SLC35F3: variants seen among roughly 807,000 people sequenced by gnomAD.
SLC35F3 encodes solute carrier family 35 member F3.
SLC35F3 carries 25 observed loss-of-function variants against 49.9 expected under a neutral mutation model. That is an observed-to-expected ratio of 0.50 (90% CI 0.37 to 0.70). The LOEUF (loss-of-function observed/expected upper bound fraction) is 0.70. Ranked by LOEUF, SLC35F3 falls within the 30% of genes least tolerant of loss-of-function variation. The pLI is 0.00. For synonymous variants in SLC35F3, 275 were observed against 265.4 expected, an observed-to-expected ratio of 1.04 and a Z score of -0.35; for missense variants, 525 against 639.8, an observed-to-expected ratio of 0.82 and a Z score of 1.94.
At chr1:234,309,029 C>A (rs201471524) in intron 3 of SLC35F3, 72 bp from the exon 4 acceptor site, 454 of 948,202 alleles carry the variant, frequency 4.8e-4, no homozygotes, top group Non-Finnish European at 6.1e-4. Context: ...AAAAAAAAAA[C>A]TTGCTATAGG....
At chr1:234,115,696 A>G (rs1010495271) in intron 2 of SLC35F3, among the ~76,000 whole-genome samples, 2 of 152,224 alleles carry the variant, frequency 1.3e-5, no homozygotes, top group Non-Finnish European at 2.9e-5. Flanking sequence ...CTGTCTTCTG[A>G]ACCATTTGAG....
At chr1:234,047,525 AT>A (rs1246980139) in intron 2 of SLC35F3, among the ~76,000 whole-genome samples, 1 of 152,218 alleles carries the variant, frequency 6.6e-6, no homozygotes, top group African/African-American at 2.4e-5. Flanking sequence ...AAATTGAATC[AT>A]TGGTTCTTCC....
intron 2 of SLC35F3, among the ~76,000 whole-genome samples, chr1:234,147,722 T>C (rs951163599): frequency 6.6e-6 from 1 of 152,234 alleles, no homozygotes; most frequent in African/African-American, 2.4e-5. Flanking sequence ...GACCCACTTT[T>C]GGTCCCTACC....
intron 3 of SLC35F3, among the ~76,000 whole-genome samples, chr1:234,250,412 T>C (rs1268714988): frequency 6.6e-6 from 1 of 152,108 alleles, no homozygotes; most frequent in Non-Finnish European, 1.5e-5. Context: ...CCCAGCACTT[T>C]GGGAGGCCGA....
chr1:234,196,322 C>A (rs1666809402), intron 2 of SLC35F3, among the ~76,000 whole-genome samples: 1 of 152,248 alleles, frequency 6.6e-6, no homozygotes, highest in Non-Finnish European at 1.5e-5. Flanking sequence ...GGCTGCAGAA[C>A]TGCCTCCAAG....
intron 2 of SLC35F3, among the ~76,000 whole-genome samples, chr1:234,189,420 T>C (rs4027088): frequency 0.082 from 12,372 of 150,450 alleles, 1,406 homozygotes; most frequent in African/African-American, 0.26. Flanking sequence ...AAATGCAAGA[T>C]GTACTGGAAA....
chr1:233,928,106 A>C (rs1048976819), intron 2 of SLC35F3, among the ~76,000 whole-genome samples: 1 of 152,072 alleles, frequency 6.6e-6, no homozygotes, highest in Non-Finnish European at 1.5e-5. Context: ...TGGCACTGTA[A>C]ATTTTCTGCA....
At chr1:233,920,684 G>C (rs574677485) in intron 2 of SLC35F3, among the ~76,000 whole-genome samples, 2 of 152,214 alleles carry the variant, frequency 1.3e-5, no homozygotes, top group Non-Finnish European at 2.9e-5. Flanking sequence ...TTGTGGAATT[G>C]TGTTATGTTA....
intron 2 of SLC35F3, among the ~76,000 whole-genome samples, chr1:234,082,695 A>T (rs149468478): frequency 6.6e-6 from 1 of 152,168 alleles, no homozygotes; most frequent in African/African-American, 2.4e-5. Context: ...TCACAGTTTC[A>T]TGTGGCTGGG....
chr1:233,946,032 A>G (rs1000778977), intron 2 of SLC35F3, among the ~76,000 whole-genome samples: 1 of 152,246 alleles, frequency 6.6e-6, no homozygotes, highest in African/African-American at 2.4e-5. Context: ...AAGCTGGTAC[A>G]TACAATTTGA....
chr1:234,217,263 T>C (rs1667135885), intron 2 of SLC35F3, among the ~76,000 whole-genome samples: 1 of 152,200 alleles, frequency 6.6e-6, no homozygotes, highest in African/African-American at 2.4e-5. Context: ...TTGGTTAAAC[T>C]CAAACACAGG....
intron 2 of SLC35F3, among the ~76,000 whole-genome samples, chr1:234,047,496 T>C (rs1664308460): frequency 6.6e-6 from 1 of 152,228 alleles, no homozygotes; most frequent in South Asian, 2.1e-4. Flanking sequence ...ATAACAGCTT[T>C]CTTCCTGCCT....
chr1:234,118,991 T>C (rs1188326003), intron 2 of SLC35F3, among the ~76,000 whole-genome samples: 2 of 152,078 alleles, frequency 1.3e-5, no homozygotes, highest in Non-Finnish European at 2.9e-5. Context: ...TCTGTATTAG[T>C]TGGCTTTGCT....
chr1:233,963,123 G>C (rs1283669226), intron 2 of SLC35F3, among the ~76,000 whole-genome samples: 2 of 152,112 alleles, frequency 1.3e-5, no homozygotes, highest in Non-Finnish European at 2.9e-5. Flanking sequence ...TGCTCTTGCA[G>C]CCTTTCACTG....
intron 2 of SLC35F3, among the ~76,000 whole-genome samples, chr1:234,123,556 T>C (rs550248038): frequency 3.1e-4 from 47 of 150,772 alleles, no homozygotes; most frequent in African/African-American, 1.1e-3. Flanking sequence ...ACTACAGGCG[T>C]GTGCCACCAT....
chr1:234,080,046 G>A (rs922930149), intron 2 of SLC35F3, among the ~76,000 whole-genome samples: 1 of 152,196 alleles, frequency 6.6e-6, no homozygotes, highest in Admixed American at 6.5e-5. Flanking sequence ...GTGAGGGCTG[G>A]TTGCTGGAGG....
chr1:234,275,766 AT>A (rs1558094964), intron 3 of SLC35F3, among the ~76,000 whole-genome samples: 19 of 99,492 alleles, frequency 1.9e-4, no homozygotes, highest in African/African-American at 6.6e-4. Context: ...AAAAAAAAAT[AT>A]ATATATATAT....
chr1:234,282,627 G>A (rs1668348107), intron 3 of SLC35F3, among the ~76,000 whole-genome samples: 1 of 152,168 alleles, frequency 6.6e-6, no homozygotes, highest in Non-Finnish European at 1.5e-5. Context: ...AAAGAAAACT[G>A]GTTCCATGCA....
At chr1:234,284,064 C>T (rs1471169959) in intron 3 of SLC35F3, among the ~76,000 whole-genome samples, 1 of 152,064 alleles carries the variant, frequency 6.6e-6, no homozygotes, top group East Asian at 1.9e-4. Flanking sequence ...CACCACCACA[C>T]CTGACTAATT....
Sources: gnomAD v4.1 joint callset for allele counts (sites outside exome capture counted in the v4.1 genomes callset) on GRCh38, gnomAD v4.1.1 for gene constraint, MANE v1.5 for transcripts, NCBI Gene and HGNC (gene_info 2026-07-23, HGNC 2026-07-21) for gene names.